The following NEGR1 variants were observed in gnomAD, a reference collection of about 807,000 sequenced individuals.
NEGR1 encodes the protein neuronal growth regulator 1, also known as IgLON family member 4.
Under a neutral mutation model 40.9 loss-of-function variants are expected in NEGR1, and 10 were observed. The observed-to-expected ratio is 0.24, with a 90% CI of 0.15 to 0.42. NEGR1 has a LOEUF of 0.42. NEGR1 is among the 10% of genes least tolerant of loss of function. The pLI is 1.00. For synonymous variants in NEGR1, 185 were observed against 166.8 expected (o/e 1.11, Z -0.84); for missense variants, 352 against 438.9 (o/e 0.80, Z 1.77).
At chr1:71,849,889 C>A (rs1659545384) in intron 2 of NEGR1, among the ~76,000 whole-genome samples, 1 of 152,106 alleles carries the variant, frequency 6.6e-6, no homozygotes, top group Admixed American at 6.6e-5. Context: ...CACACTTATA[C>A]TCTACAATAT....
At chr1:71,647,168 T>C (rs574185105) in intron 4 of NEGR1, among the ~76,000 whole-genome samples, 2 of 151,958 alleles carry the variant, frequency 1.3e-5, no homozygotes, top group Admixed American at 6.6e-5. Flanking sequence ...CATTTTTTCA[T>C]AACCTTTATT....
intron 1 of NEGR1, among the ~76,000 whole-genome samples, chr1:72,264,889 C>T (rs1655589311): frequency 6.6e-6 from 1 of 150,476 alleles, no homozygotes; most frequent in South Asian, 2.1e-4. Flanking sequence ...AAGTTTTCTA[C>T]AGATGGAAAA....
chr1:72,143,914 A>ATATATATATATATATATATAT (rs1491498187), intron 1 of NEGR1, among the ~76,000 whole-genome samples: 1 of 130,614 alleles, frequency 7.7e-6, no homozygotes, highest in African/African-American at 3.0e-5. Flanking sequence ...TGATATATAT[A>ATATATATATATATATATATAT]ATATATATAT....
chr1:71,882,548 C>T (rs1660610812), intron 2 of NEGR1, among the ~76,000 whole-genome samples: 1 of 151,924 alleles, frequency 6.6e-6, no homozygotes, highest in Non-Finnish European at 1.5e-5. Context: ...TCTTTCATGG[C>T]TGACTGTCTT....
At chr1:72,112,401 T>C (rs1649409221) in intron 1 of NEGR1, among the ~76,000 whole-genome samples, 1 of 151,746 alleles carries the variant, frequency 6.6e-6, no homozygotes, top group Admixed American at 6.6e-5. Flanking sequence ...ATTTATTTTT[T>C]CCATAATATA....
At chr1:72,179,909 C>CATTTTTGATATCTTTTGAT (rs1229012663) in intron 1 of NEGR1, among the ~76,000 whole-genome samples, 5 of 151,884 alleles carry the variant, frequency 3.3e-5, no homozygotes, top group Non-Finnish European at 5.9e-5. Context: ...GGAAAGATAT[C>CATTTTTGATATCTTTTGAT]CCTTGCCAAT....
rs180791498 is a variant in NEGR1, at chr1:71,585,431, T to C, written c.940+7386A>G. On this transcript the variant is annotated intron_variant, in intron 6 of 6. Coordinates refer to ENST00000357731, the MANE Select transcript of NEGR1 (RefSeq NM_173808.3). ...CAAGGGTAGGGCTTCTAGTAAAATT[T>C]TGTGATTAAATTGGAAACTCTAATT... is the stretch of plus-strand genomic sequence containing the variant. Among the ~76,000 whole-genome samples, 28 of 152,186 alleles carry C rather than the reference T, an allele frequency of 1.8e-4. 1 individual carries two copies. In the East Asian group the frequency reaches 3.5e-3, roughly 19 times the overall value.
At chr1:72,197,170 G>A (rs1047521469) in intron 1 of NEGR1, among the ~76,000 whole-genome samples, 3 of 151,854 alleles carry the variant, frequency 2.0e-5, no homozygotes, top group Non-Finnish European at 2.9e-5. Context: ...TACCCCCAAA[G>A]TGATAGATGG....
intron 2 of NEGR1, among the ~76,000 whole-genome samples, chr1:71,923,125 C>A (rs573921800): frequency 6.6e-6 from 1 of 152,208 alleles, no homozygotes. Flanking sequence ...TATATGCAGC[C>A]CCTGTTCTGC....
chr1:71,587,494 C>G (rs1185822700), intron 6 of NEGR1, among the ~76,000 whole-genome samples: 1 of 152,122 alleles, frequency 6.6e-6, no homozygotes, highest in Non-Finnish European at 1.5e-5. Context: ...AAAGCCCTGA[C>G]TGCATAAAGC....
intron 6 of NEGR1, among the ~76,000 whole-genome samples, chr1:71,528,468 T>C (rs1490313452): frequency 6.6e-6 from 1 of 151,336 alleles, no homozygotes; most frequent in Non-Finnish European, 1.5e-5. Flanking sequence ...AATGACAAAC[T>C]ATATCCTTCA....
chr1:72,131,199 C>T (rs1186673482), intron 1 of NEGR1, among the ~76,000 whole-genome samples: 2 of 152,212 alleles, frequency 1.3e-5, no homozygotes, highest in Admixed American at 6.5e-5. Context: ...AGAAACCACC[C>T]GCTGCAGGTA....
rs567065815 is a variant in NEGR1 at position 71,672,300 on chromosome 1, T to C, written c.667+25708A>G. Among the ~76,000 whole-genome samples the C allele has an allele frequency of 5.3e-5, 8 of 152,242 alleles. No individual in the cohort carries two copies. The South Asian group carries it at 1.4e-3, about 28-fold the overall frequency. Reference sequence around the variant, plus strand: ...GAAGACAAAATTAAATTAGATAAAATTATTGCATTCATTAAAAATTAAAAC... The same window carrying C: ...GAAGACAAAATTAAATTAGATAAAACTATTGCATTCATTAAAAATTAAAAC... On this transcript the variant is annotated intron_variant, in intron 4 of 6. Coordinates refer to ENST00000357731, the MANE Select transcript of NEGR1 (RefSeq NM_173808.3).
At chr1:71,701,240 C>A (rs906062169) in intron 3 of NEGR1, among the ~76,000 whole-genome samples, 2 of 151,920 alleles carry the variant, frequency 1.3e-5, no homozygotes, top group South Asian at 2.1e-4. Context: ...GTCAGAGGTT[C>A]AGGATTCTTT....
intron 3 of NEGR1, among the ~76,000 whole-genome samples, chr1:71,730,569 T>TTATATTTA (rs1654827027): frequency 7.4e-6 from 1 of 134,726 alleles, no homozygotes; most frequent in Non-Finnish European, 1.6e-5. Context: ...TAGTATAAAT[T>TTATATTTA]TATATATATA....
intron 2 of NEGR1, among the ~76,000 whole-genome samples, chr1:71,869,462 C>A (rs1277498952): frequency 6.6e-6 from 1 of 152,088 alleles, no homozygotes; most frequent in Non-Finnish European, 1.5e-5. Context: ...AAAGTGATTA[C>A]CTTACCAAAA....
chr1:72,249,159 C>T (rs1470376588), intron 1 of NEGR1, among the ~76,000 whole-genome samples: 2 of 151,274 alleles, frequency 1.3e-5, no homozygotes, highest in African/African-American at 2.4e-5. Flanking sequence ...AAAAAAAAGG[C>T]CCATGAGAAA....
At chr1:72,006,356 T>A (rs56134836) in intron 1 of NEGR1, among the ~76,000 whole-genome samples, 26,372 of 152,136 alleles carry the variant, frequency 0.17, 2,918 homozygotes, top group East Asian at 0.44. Context: ...CACGTAGGTA[T>A]AGCAGAAACA....
intron 1 of NEGR1, among the ~76,000 whole-genome samples, chr1:72,059,620 G>A (rs1002463776): frequency 2.4e-4 from 37 of 151,632 alleles, no homozygotes; most frequent in African/African-American, 8.2e-4. Flanking sequence ...ATAGTAAAGA[G>A]ATTTTAATAG....
Sources: allele counts gnomAD v4.1 joint callset (sites outside exome capture counted in the v4.1 genomes callset), GRCh38; gene constraint gnomAD v4.1.1; transcripts MANE v1.5; gene names NCBI Gene and HGNC (gene_info 2026-07-23, HGNC 2026-07-21).